GNPTAB: variants seen among roughly 807,000 people sequenced by gnomAD.
The protein encoded by GNPTAB is N-acetylglucosamine-1-phosphate transferase subunits alpha and beta, also known as N-acetylglucosamine-1-phosphotransferase subunits alpha/beta.
A neutral mutation model predicts 136.6 loss-of-function variants in GNPTAB; 92 were observed. That is an observed-to-expected ratio of 0.67 (90% CI 0.57 to 0.80). The LOEUF is 0.80. Ranked by LOEUF, GNPTAB falls within the 30% of genes least tolerant of loss-of-function variation. The pLI, the probability that GNPTAB is intolerant of heterozygous loss-of-function variation, is 0.00. For synonymous variants in GNPTAB, 512 were observed against 535.1 expected (o/e 0.96, Z 0.60); for missense variants, 1,343 against 1,501.8 (o/e 0.89, Z 1.75).
rs1258145823 is a variant in GNPTAB at position 101,827,974 on chromosome 12, C to CAA, written c.117+2583_117+2584dup. Among the ~76,000 whole-genome samples the CAA allele has an allele frequency of 2.0e-5, 3 of 151,260 alleles. No homozygotes were observed. The South Asian group carries it at 6.3e-4, about 32-fold the overall frequency. ...AGTGAGACTCTATCTCAAAACAAAA[C>CAA]AAAAAAAACAATGATCTTCTTAGTC... On this transcript the variant is annotated intron_variant, in intron 1 of 20. Coordinates refer to ENST00000299314, the MANE Select transcript of GNPTAB (RefSeq NM_024312.5).
intron 3 of GNPTAB, among the ~76,000 whole-genome samples, chr12:101,789,575 C>G (rs1299533990): frequency 1.3e-5 from 2 of 152,200 alleles, no homozygotes. Context: ...GCCTCAACCT[C>G]CTGAGCTCAA....
chr12:101,753,263 AAAT>A, intron 19 of GNPTAB, 106 bp downstream of exon 19: 2 of 1,039,930 alleles, frequency 1.9e-6, no homozygotes, highest in East Asian at 5.2e-5. Flanking sequence ...CAAAAAAAAA[AAAT>A]AAAAAGAGAA....
chr12:101,771,010 T>G lies in GNPTAB; in HGVS notation c.919A>C (p.Ser307Arg). 6.2e-7 allele frequency: 1 copy of G among 1,614,136 alleles called. No individual in the cohort carries two copies. Among genetic ancestry groups the G allele is most frequent in the South Asian group, 1.1e-5 (1 of 91,086 alleles). ...GCATCCCTTACCTGGCTGATGGCGC[T>G]CAGATCCCATAATAAATATGCAGGA... ...ISPAYLLWDL[S>R]AISQSKQDED... Residue 307 changes from serine to arginine, a missense_variant, in exon 8 of 21, where the codon AGC becomes CGC. Coordinates refer to ENST00000299314, the MANE Select transcript of GNPTAB (RefSeq NM_024312.5).
intron 1 of GNPTAB, among the ~76,000 whole-genome samples, chr12:101,823,958 G>A (rs1019238609): frequency 2.0e-5 from 3 of 152,176 alleles, no homozygotes; most frequent in Admixed American, 6.5e-5. Flanking sequence ...AAGCCAGGGA[G>A]AGGAAATGGG....
intron 1 of GNPTAB, among the ~76,000 whole-genome samples, chr12:101,813,559 A>C (rs1298427839): frequency 6.6e-6 from 1 of 152,064 alleles, no homozygotes; most frequent in Non-Finnish European, 1.5e-5. Flanking sequence ...ATGGAGCAAG[A>C]GTGTTAAGAG....
chr12:101,757,170 G>A, intron 18 of GNPTAB, 42 bp downstream of exon 18: 1 of 1,058,084 alleles, frequency 9.5e-7, no homozygotes, highest in Non-Finnish European at 1.5e-6. Flanking sequence ...CTTTTATTCA[G>A]GTTTATTTGC....
chr12:101,783,981 G>C (rs372432287), intron 5 of GNPTAB, among the ~76,000 whole-genome samples: 3 of 151,962 alleles, frequency 2.0e-5, no homozygotes, highest in Admixed American at 6.6e-5. Flanking sequence ...GCCTCCCAAA[G>C]TGCTGGGATT....
chr12:101,823,487 G>A (rs923115471), intron 1 of GNPTAB, among the ~76,000 whole-genome samples: 4 of 151,860 alleles, frequency 2.6e-5, no homozygotes, highest in African/African-American at 9.7e-5. Context: ...GTGGGTGCCT[G>A]TAATCCCAGC....
At chr12:101,828,161 G>A (rs757904570) in intron 1 of GNPTAB, among the ~76,000 whole-genome samples, 84 of 152,184 alleles carry the variant, frequency 5.5e-4, no homozygotes, top group Non-Finnish European at 1.1e-3. Context: ...AGCAGCAGTA[G>A]CCATGACCAT....
chr12:101,803,130 A>G (rs1594248271), intron 1 of GNPTAB, among the ~76,000 whole-genome samples: 1 of 152,228 alleles, frequency 6.6e-6, no homozygotes, highest in East Asian at 1.9e-4. Context: ...TAACATGCCA[A>G]GAGGCCTTAG....
At chr12:101,767,460 T>A (rs957225816) in intron 11 of GNPTAB, among the ~76,000 whole-genome samples, 3 of 152,204 alleles carry the variant, frequency 2.0e-5, no homozygotes, top group African/African-American at 7.2e-5. Flanking sequence ...AAGAACCAGT[T>A]AGAGTGATTC....
intron 1 of GNPTAB, among the ~76,000 whole-genome samples, chr12:101,818,872 T>C (rs2137183566): frequency 6.6e-6 from 1 of 152,328 alleles, no homozygotes; most frequent in South Asian, 2.1e-4. Flanking sequence ...CAAGATCTGA[T>C]GGTTTTATAA....
intron 5 of GNPTAB, among the ~76,000 whole-genome samples, chr12:101,783,889 T>G (rs941008132): frequency 2.2e-4 from 33 of 150,298 alleles, no homozygotes; most frequent in Non-Finnish European, 3.4e-4. Flanking sequence ...TAATTTTTGT[T>G]TTTTTTTTTG....
intron 2 of GNPTAB, among the ~76,000 whole-genome samples, chr12:101,795,660 G>C (rs1869237861): frequency 1.3e-5 from 2 of 152,036 alleles, no homozygotes; most frequent in Non-Finnish European, 2.9e-5. Flanking sequence ...GGCTGAGGCA[G>C]GAGAATCGCT....
intron 19 of GNPTAB, among the ~76,000 whole-genome samples, chr12:101,751,457 G>GC (rs1403172452): frequency 6.6e-6 from 1 of 152,110 alleles, no homozygotes; most frequent in African/African-American, 2.4e-5. Context: ...CTAGCACCTG[G>GC]CACAGAGAGG....
At position 101,797,517 on chromosome 12, in the gene GNPTAB, C is replaced by G. The variant is rs539757563; in HGVS notation, c.118-755G>C. Among the ~76,000 whole-genome samples, 10 of 152,062 alleles carry G rather than the reference C, an allele frequency of 6.6e-5. No homozygotes were observed. In the East Asian group the frequency reaches 1.9e-3, roughly 29 times the overall value. Reference sequence around the variant, plus strand: ...GCATGCGCCTGCAGTCCCAGCTACTCGGGAAGTGAGACAGGAGAATTGCTT... The same window carrying G: ...GCATGCGCCTGCAGTCCCAGCTACTGGGGAAGTGAGACAGGAGAATTGCTT... On this transcript the variant is annotated intron_variant, in intron 1 of 20. Transcript: ENST00000299314.
At chr12:101,778,399 T>C (rs543085775) in intron 7 of GNPTAB, 1 of 152,350 alleles carries the variant, frequency 6.6e-6, no homozygotes, top group East Asian at 1.9e-4. Context: ...GATATACATG[T>C]GTCTATAATT....
At chr12:101,748,866 T>C (rs376550831) in intron 20 of GNPTAB, among the ~76,000 whole-genome samples, 6 of 152,228 alleles carry the variant, frequency 3.9e-5, no homozygotes, top group South Asian at 2.1e-4. Flanking sequence ...AGTTAATCTG[T>C]TGAGTTCCAG....
intron 10 of GNPTAB, among the ~76,000 whole-genome samples, chr12:101,768,833 T>C (rs1953131275): frequency 6.6e-6 from 1 of 152,232 alleles, no homozygotes; most frequent in African/African-American, 2.4e-5. Flanking sequence ...TCTCAGTACA[T>C]GTCAATTCAG....
Sources: allele counts gnomAD v4.1 joint callset (sites outside exome capture counted in the v4.1 genomes callset), GRCh38; gene constraint gnomAD v4.1.1; transcripts MANE v1.5; gene names NCBI Gene and HGNC (gene_info 2026-07-23, HGNC 2026-07-21).